Variants in LRRIQ1 observed in about 807,000 individuals in gnomAD.
LRRIQ1 encodes the protein leucine-rich repeat- and IQ domain-containing protein 1.
In LRRIQ1, 210 loss-of-function variants were observed where a neutral mutation model predicts 211.9. The ratio of observed to expected loss-of-function variants is 0.99; its 90% CI spans 0.89 to 1.11. The LOEUF (loss-of-function observed/expected upper bound fraction) is 1.11, where lower values mean the gene tolerates loss of function less well. Among genes scored for constraint, LRRIQ1 ranks in the 50% most tolerant of loss-of-function variants. LRRIQ1 has a pLI of 0.00. For synonymous variants in LRRIQ1, 699 were observed against 650.1 expected (o/e 1.08, Z -1.14); for missense variants, 2,136 against 1,939.5 (o/e 1.10, Z -1.90).
At chr12:85,208,458 C>T (rs1312182304) in intron 24 of LRRIQ1, among the ~76,000 whole-genome samples, 3 of 151,986 alleles carry the variant, frequency 2.0e-5, no homozygotes, top group African/African-American at 7.2e-5. Flanking sequence ...AAACACTAAA[C>T]ATCTCAGGAA....
intron 24 of LRRIQ1, among the ~76,000 whole-genome samples, chr12:85,213,202 T>C (rs1322802674): frequency 6.6e-6 from 1 of 151,878 alleles, no homozygotes; most frequent in Non-Finnish European, 1.5e-5. Context: ...GGTGTTCTTA[T>C]ATTTATATAA....
chr12:85,092,635 A>G (rs1269586103), intron 11 of LRRIQ1, among the ~76,000 whole-genome samples: 2 of 152,230 alleles, frequency 1.3e-5, no homozygotes, highest in African/African-American at 2.4e-5. Context: ...TCCATTTTGT[A>G]TAATATTTGG....
intron 19 of LRRIQ1, among the ~76,000 whole-genome samples, chr12:85,141,478 G>A (rs945449359): frequency 4.7e-5 from 7 of 150,436 alleles, no homozygotes; most frequent in Admixed American, 6.7e-5. Flanking sequence ...TTATTGTATC[G>A]CTGAACCTCT....
chr12:85,120,217 G>A (rs1415928299), intron 15 of LRRIQ1, among the ~76,000 whole-genome samples: 1 of 152,230 alleles, frequency 6.6e-6, no homozygotes, highest in African/African-American at 2.4e-5. Flanking sequence ...ATTTTGTGAA[G>A]GGTGTAGTCT....
At chr12:85,271,816 C>A in the LRRIQ1 span, among the ~76,000 whole-genome samples, 1 of 152,212 alleles carries the variant, frequency 6.6e-6, no homozygotes, top group Non-Finnish European at 1.5e-5. Context: ...TTAATTTAAT[C>A]CTATCATGCT....
intron 4 of LRRIQ1, among the ~76,000 whole-genome samples, chr12:85,045,699 A>G (rs541912698): frequency 1.3e-5 from 2 of 152,062 alleles, no homozygotes; most frequent in South Asian, 4.1e-4. Flanking sequence ...AGAATATATT[A>G]AAAGGAAAAC....
chr12:85,052,208 A>C lies in LRRIQ1; in HGVS notation c.710A>C (p.Tyr237Ser), dbSNP rs749121098. 1.3e-6 allele frequency: 2 copies of C among 1,562,212 alleles called. No homozygotes were observed. The highest frequency in any genetic ancestry group is 1.2e-5 in the South Asian group (1 of 84,174). Residue 237 changes from tyrosine to serine, a missense_variant, in exon 7 of 27, where the codon TAT becomes TCT. Coordinates refer to ENST00000393217, the MANE Select transcript of LRRIQ1 (RefSeq NM_001079910.2). ...CAGGACAAGATGAATGATGAACTCT[A>C]TAAAGAAGAGAAAATTTGGAAAGAG... ...QEQDKMNDEL[Y>S]KEEKIWKEKF...
chr12:85,245,161 C>G (rs374860809), downstream of LRRIQ1: 4 of 620,586 alleles, frequency 6.4e-6, no homozygotes, highest in Admixed American at 1.6e-4. Context: ...CTGCCCCCCA[C>G]ACCCTGTGAA....
At position 85,152,300 on chromosome 12, in the gene LRRIQ1, G is replaced by T; in HGVS notation, c.4350G>T (p.Trp1450Cys). 1 of 1,610,564 alleles carries T rather than the reference G, an allele frequency of 6.2e-7. No homozygotes were observed. The highest frequency in any genetic ancestry group is 8.5e-7 in the Non-Finnish European group (1 of 1,178,018). The change falls in exon 20 of 27, where the codon TGG (tryptophan) becomes TGT (cysteine). Residue 1450 changes from tryptophan to cysteine, a missense_variant. Trp to Cys is a radical substitution (Grantham distance 215). Transcript: ENST00000393217. ...IFDEAALEEE[W>C]LALDSTRFPS... is the part of the protein sequence containing the mutation. ...TGCAGGCTGCCTTAGAAGAAGAATGGCTAGCATTAGATTCCACCCGCTTCC... is the reference window on the plus strand; with the variant it reads ...TGCAGGCTGCCTTAGAAGAAGAATGTCTAGCATTAGATTCCACCCGCTTCC...
intron 1 of LRRIQ1, among the ~76,000 whole-genome samples, chr12:85,261,115 T>C (rs1430226927): frequency 6.6e-6 from 1 of 152,204 alleles, no homozygotes; most frequent in East Asian, 1.9e-4. Context: ...TGAAGGTCTC[T>C]AAATTCCTGA....
downstream of LRRIQ1, among the ~76,000 whole-genome samples, chr12:85,269,341 G>A (rs982428626): frequency 6.6e-6 from 1 of 151,932 alleles, no homozygotes; most frequent in Non-Finnish European, 1.5e-5. Flanking sequence ...ATAATTATTG[G>A]TGTATTTTGA....
chr12:85,082,676 T>G (rs994657714), intron 11 of LRRIQ1, among the ~76,000 whole-genome samples: 12 of 152,178 alleles, frequency 7.9e-5, no homozygotes, highest in African/African-American at 2.7e-4. Context: ...GCTCATTGAG[T>G]TTTAAAACTT....
intron 24 of LRRIQ1, among the ~76,000 whole-genome samples, chr12:85,170,442 A>ATTTT (rs1891362305): frequency 6.6e-6 from 1 of 150,850 alleles, no homozygotes; most frequent in Non-Finnish European, 1.5e-5. Flanking sequence ...TATACAAAAA[A>ATTTT]TTGTATATGC....
chr12:85,134,381 C>T (rs1888977164), intron 18 of LRRIQ1, among the ~76,000 whole-genome samples: 1 of 152,076 alleles, frequency 6.6e-6, no homozygotes, highest in South Asian at 2.1e-4. Flanking sequence ...ATTTATTTAG[C>T]ATACAGTTTA....
chr12:85,112,605 T>C (rs1053674318), intron 15 of LRRIQ1, among the ~76,000 whole-genome samples: 7 of 151,650 alleles, frequency 4.6e-5, no homozygotes, highest in Admixed American at 4.6e-4. Flanking sequence ...TACATTTTTA[T>C]TTCTGGATAT....
intron 24 of LRRIQ1, among the ~76,000 whole-genome samples, chr12:85,171,961 T>G (rs1008752954): frequency 9.2e-5 from 14 of 152,230 alleles, no homozygotes; most frequent in Admixed American, 2.0e-4. Context: ...AGCTGACTAA[T>G]GTAATAATGT....
At chr12:85,232,548 T>G (rs773846060) in intron 25 of LRRIQ1, 148 bp from the exon 26 acceptor site, 13 of 665,300 alleles carry the variant, frequency 2.0e-5, no homozygotes, top group Non-Finnish European at 3.1e-5. Flanking sequence ...CATTTGTACT[T>G]ATTTTTACTT....
chr12:85,228,675 G>A (rs1009152847), intron 24 of LRRIQ1, among the ~76,000 whole-genome samples: 1 of 152,140 alleles, frequency 6.6e-6, no homozygotes, highest in African/African-American at 2.4e-5. Flanking sequence ...CACATGCTAA[G>A]CTTGTATGTA....
chr12:85,181,482 C>A (rs1003343390), intron 24 of LRRIQ1, among the ~76,000 whole-genome samples: 2 of 151,512 alleles, frequency 1.3e-5, no homozygotes, highest in Non-Finnish European at 3.0e-5. Flanking sequence ...GTACCAATGA[C>A]CTTAAATTGT....
Sources: allele counts gnomAD v4.1 joint callset (sites outside exome capture counted in the v4.1 genomes callset), GRCh38; gene constraint gnomAD v4.1.1; transcripts MANE v1.5; gene names NCBI Gene and HGNC (gene_info 2026-07-23, HGNC 2026-07-21).